ZBTB7C: variants seen among roughly 807,000 people sequenced by gnomAD.
ZBTB7C encodes zinc finger and BTB domain-containing protein 7C.
A neutral mutation model predicts 25.7 loss-of-function variants in ZBTB7C; 8 were observed. The observed-to-expected ratio is 0.31, with a 90% CI of 0.18 to 0.56. ZBTB7C has a LOEUF of 0.56. Among genes scored for constraint, ZBTB7C ranks in the 20% least tolerant of loss-of-function variants. The pLI, the probability that ZBTB7C is intolerant of heterozygous loss-of-function variation, is 0.91. For missense variants in ZBTB7C, 824 were observed against 855.2 expected (o/e 0.96, Z 0.46); for synonymous variants, 394 against 369.0 (o/e 1.07, Z -0.78).
intron 3 of ZBTB7C, among the ~76,000 whole-genome samples, chr18:48,094,262 C>T (rs1008111422): frequency 5.3e-5 from 8 of 152,076 alleles, no homozygotes; most frequent in South Asian, 2.1e-4. Context: ...ATTTCTTCTC[C>T]GGGTTTTAGC....
chr18:48,401,602 T>C lies in ZBTB7C; in HGVS notation c.-304+7624A>G, dbSNP rs150878734. Reference sequence around the variant, plus strand: ...CTGCAGTATGGGGATGGTATCTGCCTGGAGGCAGGGAGGGGCCTCAGAATC... The same window carrying C: ...CTGCAGTATGGGGATGGTATCTGCCCGGAGGCAGGGAGGGGCCTCAGAATC... On this transcript the variant is annotated intron_variant, in intron 1 of 4. Coordinates refer to ENST00000590800, the MANE Select transcript of ZBTB7C (RefSeq NM_001318841.2). 3.0e-4 allele frequency among the ~76,000 whole-genome samples: 46 copies of C among 152,292 alleles called. No homozygotes were observed. In the East Asian group the frequency reaches 8.5e-3, roughly 28 times the overall value.
chr18:48,394,941 T>A (rs1176590084), intron 1 of ZBTB7C, among the ~76,000 whole-genome samples: 1 of 152,162 alleles, frequency 6.6e-6, no homozygotes, highest in Non-Finnish European at 1.5e-5. Flanking sequence ...TGGTCGATTA[T>A]CCCCTCTAAA....
At chr18:48,227,026 A>G (rs1266246092) in intron 2 of ZBTB7C, among the ~76,000 whole-genome samples, 1 of 149,878 alleles carries the variant, frequency 6.7e-6, no homozygotes, top group Non-Finnish European at 1.5e-5. Flanking sequence ...TCTCAAAAAA[A>G]AAAAAAAAAA....
intron 3 of ZBTB7C, among the ~76,000 whole-genome samples, chr18:48,089,629 G>A (rs2038334673): frequency 6.6e-6 from 1 of 152,090 alleles, no homozygotes; most frequent in Admixed American, 6.6e-5. Flanking sequence ...TCACTAAAAT[G>A]TGTATTCTGA....
At chr18:48,092,087 G>A (rs2038438968) in intron 3 of ZBTB7C, among the ~76,000 whole-genome samples, 1 of 152,116 alleles carries the variant, frequency 6.6e-6, no homozygotes, top group Non-Finnish European at 1.5e-5. Flanking sequence ...CAATAATAAG[G>A]GCACCATCCA....
At chr18:48,070,725 G>T (rs2037511713) in intron 3 of ZBTB7C, among the ~76,000 whole-genome samples, 1 of 152,204 alleles carries the variant, frequency 6.6e-6, no homozygotes, top group African/African-American at 2.4e-5. Flanking sequence ...CATGTTGGGG[G>T]AAGGAGTGCA....
intron 2 of ZBTB7C, among the ~76,000 whole-genome samples, chr18:48,292,458 T>C (rs2045259366): frequency 6.6e-6 from 1 of 151,998 alleles, no homozygotes; most frequent in East Asian, 1.9e-4. Context: ...CTCCAAGGTG[T>C]CCAGACCCAC....
At chr18:48,368,318 A>T (rs1280746776) in intron 1 of ZBTB7C, among the ~76,000 whole-genome samples, 1 of 152,106 alleles carries the variant, frequency 6.6e-6, no homozygotes, top group African/African-American at 2.4e-5. Context: ...CCAAAACACA[A>T]AACTCAATGA....
intron 1 of ZBTB7C, among the ~76,000 whole-genome samples, chr18:48,363,787 G>GT (rs903947520): frequency 5.3e-5 from 8 of 152,030 alleles, no homozygotes; most frequent in Non-Finnish European, 2.9e-5. Flanking sequence ...AACCTCACTG[G>GT]TAGGGCAACC....
intron 2 of ZBTB7C, among the ~76,000 whole-genome samples, chr18:48,234,762 GTTTA>G (rs1252280001): frequency 1.3e-5 from 2 of 152,160 alleles, no homozygotes; most frequent in Non-Finnish European, 2.9e-5. Context: ...TTTGGGAATA[GTTTA>G]TTTATCAATT....
At chr18:48,313,149 A>G (rs1244928815) in intron 2 of ZBTB7C, among the ~76,000 whole-genome samples, 1 of 152,236 alleles carries the variant, frequency 6.6e-6, no homozygotes, top group Non-Finnish European at 1.5e-5. Flanking sequence ...CGAGTTATCC[A>G]AGATGACACA....
rs758298354 is a variant in ZBTB7C at position 48,040,621 on chromosome 18, C to T, written c.487G>A (p.Asp163Asn). 33 of 1,613,080 alleles carry T rather than the reference C, an allele frequency of 2.0e-5. No individual in the cohort carries two copies. Among genetic ancestry groups the T allele is most frequent in the Non-Finnish European group, 2.8e-5 (33 of 1,179,374 alleles). The change falls in exon 4 of 5, where the codon GAT becomes AAT. Residue 163 changes from aspartate (D) to asparagine (N), a missense_variant. Around this residue, in one of 4 missense-constraint regions of ZBTB7C, gnomAD observed 316 missense variants for 299.2 expected, o/e 1.06. Transcript: ENST00000590800. ...AAGTCCTCCGTGTCATCATCGTCATCCTCCTCCTCTTCCTCCTCCTCCTCT... is the reference window on the plus strand; with the variant it reads ...AAGTCCTCCGTGTCATCATCGTCATTCTCCTCCTCTTCCTCCTCCTCCTCT... ...DEEEEEEEEE[D>N]DDDDTEDFAD...
At chr18:48,392,647 C>G (rs2047928697) in intron 1 of ZBTB7C, among the ~76,000 whole-genome samples, 1 of 152,198 alleles carries the variant, frequency 6.6e-6, no homozygotes, top group South Asian at 2.1e-4. Context: ...TTACCAGAAT[C>G]TCTCCCCTAT....
intron 3 of ZBTB7C, among the ~76,000 whole-genome samples, chr18:48,054,475 A>G (rs988795852): frequency 4.6e-5 from 7 of 151,958 alleles, no homozygotes; most frequent in Non-Finnish European, 7.4e-5. Context: ...CAGGTGTAAG[A>G]TGTCCTGGTT....
At chr18:48,383,542 A>G (rs932408425) in intron 1 of ZBTB7C, among the ~76,000 whole-genome samples, 2 of 152,222 alleles carry the variant, frequency 1.3e-5, no homozygotes, top group African/African-American at 4.8e-5. Context: ...CTGGGATTAT[A>G]GGCATGTGAG....
intron 2 of ZBTB7C, among the ~76,000 whole-genome samples, chr18:48,305,952 G>C (rs1598831189): frequency 6.6e-6 from 1 of 152,164 alleles, no homozygotes; most frequent in East Asian, 1.9e-4. Context: ...TTTTGCAAGA[G>C]AAATGCTCAG....
intron 2 of ZBTB7C, among the ~76,000 whole-genome samples, chr18:48,327,955 C>T (rs536850246): frequency 1.3e-5 from 2 of 151,896 alleles, no homozygotes; most frequent in African/African-American, 4.8e-5. Context: ...ATGCCTGTAA[C>T]CCCAGCACTT....
intron 1 of ZBTB7C, among the ~76,000 whole-genome samples, chr18:48,395,141 C>T (rs185845017): frequency 6.6e-6 from 1 of 152,188 alleles, no homozygotes; most frequent in East Asian, 1.9e-4. Flanking sequence ...ATATTTTCCT[C>T]CTGCTCATGG....
chr18:48,041,247 C>T (rs2036230708), intron 3 of ZBTB7C, 124 bp from the exon 4 acceptor site: 1 of 1,426,996 alleles, frequency 7.0e-7, no homozygotes, highest in Non-Finnish European at 9.1e-7. Context: ...GGCCAGTCCT[C>T]CTACCTCTTA....
Sources: gnomAD v4.1 joint callset for allele counts (sites outside exome capture counted in the v4.1 genomes callset) on GRCh38, gnomAD v4.1.1 for gene constraint, gnomAD v4.1.1 regional missense constraint, MANE v1.5 for transcripts, NCBI Gene and HGNC (gene_info 2026-07-23, HGNC 2026-07-21) for gene names.